FGF12: variants seen among roughly 807,000 people sequenced by gnomAD.
FGF12 encodes fibroblast growth factor 12, also known as fibroblast growth factor 12B.
FGF12 carries 14 observed loss-of-function variants against 23.6 expected under a neutral mutation model. That is an observed-to-expected ratio of 0.59 (90% CI 0.39 to 0.93). The LOEUF is 0.93. FGF12 is among the 40% of genes least tolerant of loss of function. The probability of loss-of-function intolerance (pLI) is 0.00; values close to 1 mark genes in which losing one functional copy is unlikely to be tolerated. For synonymous variants in FGF12, 62 were observed against 77.3 expected (o/e 0.80, Z 1.04); for missense variants, 175 against 217.8 (o/e 0.80, Z 1.24).
intron 2 of FGF12, among the ~76,000 whole-genome samples, chr3:192,508,208 T>C (rs1724369837): frequency 6.6e-6 from 1 of 152,216 alleles, no homozygotes; most frequent in Non-Finnish European, 1.5e-5. Flanking sequence ...TAGAAGCTTA[T>C]GTATAAACAA....
At chr3:192,284,054 C>G (rs1355062211) in intron 4 of FGF12, among the ~76,000 whole-genome samples, 2 of 152,102 alleles carry the variant, frequency 1.3e-5, no homozygotes, top group Non-Finnish European at 2.9e-5. Flanking sequence ...ATCCCACACT[C>G]TGTCTTAGAG....
chr3:192,331,983 CACACA>C (rs1231455311), intron 4 of FGF12, among the ~76,000 whole-genome samples: 2 of 152,050 alleles, frequency 1.3e-5, no homozygotes, highest in Non-Finnish European at 2.9e-5. Context: ...CGCACACCTT[CACACA>C]CAAAACAATT....
chr3:192,193,693 C>G (rs984561485), intron 4 of FGF12, among the ~76,000 whole-genome samples: 1 of 152,116 alleles, frequency 6.6e-6, no homozygotes, highest in Non-Finnish European at 1.5e-5. Context: ...TAACATGACT[C>G]TATACCTATC....
chr3:192,355,954 G>C (rs1210142316), intron 3 of FGF12, among the ~76,000 whole-genome samples: 3 of 152,160 alleles, frequency 2.0e-5, no homozygotes, highest in Admixed American at 2.0e-4. Context: ...ATGTGAAATT[G>C]TCTATATTCA....
At chr3:192,149,054 C>T (rs1317929442) in intron 5 of FGF12, among the ~76,000 whole-genome samples, 4 of 152,060 alleles carry the variant, frequency 2.6e-5, no homozygotes, top group Admixed American at 6.6e-5. Context: ...AAATTTAAAC[C>T]GTGAACATCA....
At chr3:192,480,506 G>A (rs1408494967) in intron 2 of FGF12, among the ~76,000 whole-genome samples, 1 of 152,194 alleles carries the variant, frequency 6.6e-6, no homozygotes, top group African/African-American at 2.4e-5. Flanking sequence ...AGAGAAGATA[G>A]TCCTCTTTCC....
intron 2 of FGF12, among the ~76,000 whole-genome samples, chr3:192,596,547 C>T (rs1352813793): frequency 6.6e-6 from 1 of 151,952 alleles, no homozygotes; most frequent in Non-Finnish European, 1.5e-5. Context: ...GTTTTAGAGG[C>T]TTGACATGTC....
chr3:192,398,094 A>G (rs1361321822), intron 2 of FGF12, among the ~76,000 whole-genome samples: 4 of 152,222 alleles, frequency 2.6e-5, no homozygotes, highest in African/African-American at 9.6e-5. Context: ...TGCACACAGC[A>G]CACTGATTTA....
chr3:192,176,378 T>C (rs1253526785), intron 4 of FGF12, among the ~76,000 whole-genome samples: 2 of 152,260 alleles, frequency 1.3e-5, no homozygotes, highest in Non-Finnish European at 2.9e-5. Context: ...ATGGTTTTTC[T>C]TGCTCCTATA....
At chr3:192,461,985 T>G (rs1208381217) in intron 2 of FGF12, among the ~76,000 whole-genome samples, 1 of 150,942 alleles carries the variant, frequency 6.6e-6, no homozygotes, top group Non-Finnish European at 1.5e-5. Flanking sequence ...AGCGAAACTC[T>G]GTCACAAGAA....
At chr3:192,273,597 C>T (rs1713587974) in intron 4 of FGF12, among the ~76,000 whole-genome samples, 1 of 152,096 alleles carries the variant, frequency 6.6e-6, no homozygotes, top group Admixed American at 6.6e-5. Context: ...AGCTGGACTG[C>T]AAACCATTCT....
At chr3:192,707,059 C>T (rs1199477420) in intron 2 of FGF12, among the ~76,000 whole-genome samples, 1 of 152,186 alleles carries the variant, frequency 6.6e-6, no homozygotes, top group African/African-American at 2.4e-5. Context: ...GAAAGGCCTT[C>T]ATTACCCATT....
intron 4 of FGF12, among the ~76,000 whole-genome samples, chr3:192,173,825 T>G (rs2108623875): frequency 6.6e-6 from 1 of 152,346 alleles, no homozygotes; most frequent in South Asian, 2.1e-4. Context: ...TGATAAAACC[T>G]TCTTCCTTAT....
intron 2 of FGF12, among the ~76,000 whole-genome samples, chr3:192,672,016 A>C (rs888839674): frequency 6.6e-6 from 1 of 152,270 alleles, no homozygotes; most frequent in African/African-American, 2.4e-5. Context: ...ACCCAAAGAC[A>C]GAGTGCGGCT....
intron 4 of FGF12, among the ~76,000 whole-genome samples, chr3:192,229,907 A>G (rs866032999): frequency 6.6e-6 from 1 of 152,158 alleles, no homozygotes; most frequent in Non-Finnish European, 1.5e-5. Flanking sequence ...TGTAAAATAA[A>G]CAACTTACTT....
chr3:192,208,155 T>G (rs1018401769), intron 4 of FGF12, among the ~76,000 whole-genome samples: 17 of 152,238 alleles, frequency 1.1e-4, no homozygotes, highest in African/African-American at 4.1e-4. Context: ...ATTAAAAATC[T>G]TCATGGATGA....
chr3:192,432,750 T>G (rs535049564), intron 2 of FGF12, among the ~76,000 whole-genome samples: 1 of 152,122 alleles, frequency 6.6e-6, no homozygotes, highest in Admixed American at 6.5e-5. Flanking sequence ...CTGAGCTCCA[T>G]GTGAGAACCA....
chr3:192,305,278 G>T (rs981516132), intron 4 of FGF12, among the ~76,000 whole-genome samples: 3 of 151,764 alleles, frequency 2.0e-5, no homozygotes, highest in Non-Finnish European at 4.4e-5. Context: ...CTACTACAGG[G>T]TGTCAAAAAA....
At chr3:192,518,404 T>A (rs1456598710) in intron 2 of FGF12, among the ~76,000 whole-genome samples, 1 of 152,162 alleles carries the variant, frequency 6.6e-6, no homozygotes, top group African/African-American at 2.4e-5. Context: ...AATTAATAAT[T>A]GTGTAAGGGA....
Sources: gnomAD v4.1 joint callset for allele counts (sites outside exome capture counted in the v4.1 genomes callset) on GRCh38, gnomAD v4.1.1 for gene constraint, MANE v1.5 for transcripts, NCBI Gene and HGNC (gene_info 2026-07-23, HGNC 2026-07-21) for gene names.